KCNIP4: variants seen among roughly 807,000 people sequenced by gnomAD.
KCNIP4 encodes the protein Kv channel-interacting protein 4.
A neutral mutation model predicts 34.0 loss-of-function variants in KCNIP4; 12 were observed. That is an observed-to-expected ratio of 0.35 (90% CI 0.23 to 0.57). The LOEUF is 0.57. Among genes scored for constraint, KCNIP4 ranks in the 20% least tolerant of loss-of-function variants. KCNIP4 has a pLI of 0.83. For missense variants in KCNIP4, 238 were observed against 311.7 expected (o/e 0.76, Z 1.78); for synonymous variants, 124 against 102.2 (o/e 1.21, Z -1.29).
intron 1 of KCNIP4, among the ~76,000 whole-genome samples, chr4:21,171,153 A>G (rs1243131674): frequency 6.6e-6 from 1 of 152,198 alleles, no homozygotes; most frequent in Non-Finnish European, 1.5e-5. Context: ...ACTTCTAATT[A>G]TGCTTTCAGG....
intron 1 of KCNIP4, among the ~76,000 whole-genome samples, chr4:21,612,561 T>C (rs7676653): frequency 0.49 from 74,573 of 152,098 alleles, 18,546 homozygotes; most frequent in East Asian, 0.73. Context: ...ATTAAAGAGA[T>C]GGAATGCATT....
At position 20,786,906 on chromosome 4, in the gene KCNIP4, C is replaced by T. The variant is rs138959895; in HGVS notation, c.289-28016G>A. On this transcript the variant is annotated intron_variant, in intron 3 of 8. Coordinates refer to ENST00000382152, the MANE Select transcript of KCNIP4 (RefSeq NM_025221.6). The stretch of plus-strand genomic sequence containing the variant: ...AACATCATAGCATGTGTTTTGTTAA[C>T]GTAAGACGGGCCCGATAAAGTATCT... Among the ~76,000 whole-genome samples the T allele has an allele frequency of 5.5e-3, 830 of 152,160 alleles. 4 individuals carry two copies. Among genetic ancestry groups the T allele is most frequent in the Middle Eastern group, 0.01 (3 of 294 alleles).
intron 1 of KCNIP4, among the ~76,000 whole-genome samples, chr4:21,688,554 C>A (rs1029898541): frequency 6.6e-6 from 1 of 152,020 alleles, no homozygotes; most frequent in South Asian, 2.1e-4. Flanking sequence ...ACTATCAGAG[C>A]TCAAAAAGAA....
chr4:21,699,286 C>T (rs1259504626), intron 1 of KCNIP4, among the ~76,000 whole-genome samples: 1 of 152,196 alleles, frequency 6.6e-6, no homozygotes, highest in Non-Finnish European at 1.5e-5. Flanking sequence ...CAATTCTATA[C>T]TGAACACCTA....
intron 3 of KCNIP4, among the ~76,000 whole-genome samples, chr4:20,829,064 A>G (rs973826003): frequency 8.5e-5 from 13 of 152,230 alleles, no homozygotes; most frequent in Admixed American, 2.0e-4. Context: ...AAGATACGCT[A>G]TAAACCGGCA....
At chr4:21,355,741 C>T (rs1036153387) in intron 1 of KCNIP4, among the ~76,000 whole-genome samples, 2 of 152,162 alleles carry the variant, frequency 1.3e-5, no homozygotes, top group Non-Finnish European at 2.9e-5. Flanking sequence ...GAGCTGGTAC[C>T]ATTCTTTCTG....
intron 1 of KCNIP4, among the ~76,000 whole-genome samples, chr4:21,070,795 C>T (rs2108995841): frequency 6.7e-6 from 1 of 149,160 alleles, no homozygotes; most frequent in Middle Eastern, 3.5e-3. Flanking sequence ...CCTGCCTCAG[C>T]CTCCTGAGTA....
intron 3 of KCNIP4, among the ~76,000 whole-genome samples, chr4:20,789,619 C>A (rs574522793): frequency 6.6e-6 from 1 of 152,028 alleles, no homozygotes; most frequent in South Asian, 2.1e-4. Flanking sequence ...AATCAAAGGC[C>A]TCGAAAGCAC....
At chr4:21,409,454 G>T (rs997095084) in intron 1 of KCNIP4, among the ~76,000 whole-genome samples, 1 of 151,716 alleles carries the variant, frequency 6.6e-6, no homozygotes, top group African/African-American at 2.4e-5. Flanking sequence ...TGTAAATTTT[G>T]TAAAATTTCA....
At chr4:21,587,702 T>C (rs1254938785) in intron 1 of KCNIP4, among the ~76,000 whole-genome samples, 1 of 152,064 alleles carries the variant, frequency 6.6e-6, no homozygotes, top group East Asian at 1.9e-4. Flanking sequence ...TGAACTAGCA[T>C]AGGAATGACC....
intron 2 of KCNIP4, among the ~76,000 whole-genome samples, chr4:20,867,058 G>A (rs1342584281): frequency 6.6e-6 from 1 of 151,906 alleles, no homozygotes; most frequent in East Asian, 1.9e-4. Flanking sequence ...GAAAGAATCA[G>A]TGTTATAAAA....
chr4:21,604,947 T>G (rs17485906), intron 1 of KCNIP4, among the ~76,000 whole-genome samples: 18,405 of 152,214 alleles, frequency 0.12, 1,223 homozygotes, highest in African/African-American at 0.16. Context: ...TAGGACATTT[T>G]CAGTGTAAAT....
chr4:21,360,081 T>C (rs1170218709), intron 1 of KCNIP4, among the ~76,000 whole-genome samples: 1 of 152,088 alleles, frequency 6.6e-6, no homozygotes, highest in Non-Finnish European at 1.5e-5. Context: ...ACTGTGCGTG[T>C]AACTCCTGTC....
chr4:21,632,305 C>T (rs2109208413), intron 1 of KCNIP4, among the ~76,000 whole-genome samples: 1 of 152,256 alleles, frequency 6.6e-6, no homozygotes, highest in East Asian at 1.9e-4. Context: ...CCTCTGCCTC[C>T]CGGGTTCAAG....
chr4:21,240,237 G>A (rs1489830477), intron 1 of KCNIP4, among the ~76,000 whole-genome samples: 2 of 104,128 alleles, frequency 1.9e-5, no homozygotes, highest in Admixed American at 1.3e-4. Context: ...GGTGGGGGGA[G>A]GGGGGAGGGA....
chr4:21,655,643 C>T (rs1053855919), intron 1 of KCNIP4, among the ~76,000 whole-genome samples: 2 of 152,152 alleles, frequency 1.3e-5, no homozygotes, highest in African/African-American at 2.4e-5. Context: ...AACATATATC[C>T]TAAAAGGTGG....
chr4:21,904,160 A>C (rs2108972126), intron 1 of KCNIP4, among the ~76,000 whole-genome samples: 1 of 152,296 alleles, frequency 6.6e-6, no homozygotes, highest in Non-Finnish European at 1.5e-5. Context: ...CTTTGCATTA[A>C]AAACAAACAG....
intron 1 of KCNIP4, among the ~76,000 whole-genome samples, chr4:20,972,937 T>C (rs1735118109): frequency 6.6e-6 from 1 of 152,184 alleles, no homozygotes; most frequent in Admixed American, 6.5e-5. Context: ...ATGATCAAAC[T>C]AGAACAAATG....
At chr4:21,843,140 G>C (rs934925141) in intron 1 of KCNIP4, among the ~76,000 whole-genome samples, 1 of 152,022 alleles carries the variant, frequency 6.6e-6, no homozygotes, top group African/African-American at 2.4e-5. Flanking sequence ...CTGTAAATTA[G>C]CATCTTTTGA....
Sources: allele counts gnomAD v4.1 joint callset (sites outside exome capture counted in the v4.1 genomes callset), GRCh38; gene constraint gnomAD v4.1.1; transcripts MANE v1.5; gene names NCBI Gene and HGNC (gene_info 2026-07-23, HGNC 2026-07-21).